CCDC33: variants seen among roughly 807,000 people sequenced by gnomAD.
The protein encoded by CCDC33 is coiled-coil domain-containing protein 33.
CCDC33 carries 94 observed loss-of-function variants against 91.9 expected under a neutral mutation model. The ratio of observed to expected loss-of-function variants is 1.02; its 90% confidence interval spans 0.87 to 1.21. The LOEUF is 1.21. Ranked by LOEUF, CCDC33 falls within the 50% of genes most tolerant of loss-of-function variation. CCDC33 has a pLI of 0.00. For missense variants in CCDC33, 940 were observed against 935.5 expected (o/e 1.00, Z -0.06); for synonymous variants, 396 against 374.5 (o/e 1.06, Z -0.66).
At chr15:74,289,404 G>A (rs2059543409) in intron 10 of CCDC33, among the ~76,000 whole-genome samples, 1 of 152,192 alleles carries the variant, frequency 6.6e-6, no homozygotes, top group African/African-American at 2.4e-5. Context: ...CAGAAGACCT[G>A]CTTTAGCTCA....
intron 11 of CCDC33, among the ~76,000 whole-genome samples, chr15:74,326,172 A>T (rs1047666137): frequency 6.6e-6 from 1 of 152,166 alleles, no homozygotes; most frequent in Non-Finnish European, 1.5e-5. Context: ...AAAAAATTTA[A>T]AAATTAGCCA....
chr15:74,319,127 C>T (rs914688327), intron 11 of CCDC33, among the ~76,000 whole-genome samples: 2 of 152,136 alleles, frequency 1.3e-5, no homozygotes, highest in African/African-American at 2.4e-5. Flanking sequence ...GGGCTGGGGC[C>T]GCCCCAGTAA....
chr15:74,218,817 G>A lies in CCDC33; in HGVS notation c.631G>A (p.Glu211Lys). 1 of 1,276,194 alleles carries A rather than the reference G, an allele frequency of 7.8e-7. No individual in the cohort carries two copies. Among genetic ancestry groups the A allele is most frequent in the East Asian group, 5.6e-5 (1 of 17,822 alleles). 79.1% of individuals were successfully genotyped at this position (1,276,194 alleles called of 1,614,324 possible). ...CAGCCCTCCCAGGGCTGGCCAGCCA[G>A]AACTGATGTCACCATGCCCAGAGCC... The change falls in exon 2 of 3, where the codon GAA becomes AAA. Residue 211 changes from glutamate (E) to lysine (K), a missense_variant. Glu to Lys is a moderately conservative substitution (Grantham distance 56). Coordinates refer to the CCDC33 transcript ENST00000635913. This position sits in a 1 kb window ranked among gnomAD's most constrained non-coding sequence, Gnocchi z 4.8.
intron 2 of CCDC33, among the ~76,000 whole-genome samples, chr15:74,251,467 G>A (rs1209160031): frequency 6.6e-6 from 1 of 152,246 alleles, no homozygotes; most frequent in African/African-American, 2.4e-5. Flanking sequence ...TGGCCTGTGG[G>A]GTTCTGACCC....
chr15:74,262,533 G>A lies in CCDC33; in HGVS notation c.279G>A (p.Thr93=), dbSNP rs752226289. 19 of 1,613,702 alleles carry A rather than the reference G, an allele frequency of 1.2e-5. No individual in the cohort carries two copies. In the Middle Eastern group the frequency reaches 6.6e-4, roughly 56 times the overall value. The change falls in exon 3 of 19, where the codon ACG becomes ACA. Residue 93 remains threonine (T), a synonymous_variant. Coordinates refer to ENST00000398814, the MANE Select transcript of CCDC33 (RefSeq NM_025055.5). ...EPTRAPIWGD[T]VNVEIQAEDA... ...CCAGAGCCCCTATCTGGGGGGACAC[G>A]GTGAATGTGGAGATCCAAGCTGAGG...
Position 74,309,653 on chromosome 15 carries a change from G to C in CCDC33, c.1290+13705G>C, listed in dbSNP as rs184307032. On this transcript the variant is annotated intron_variant, in intron 11 of 18. Transcript: ENST00000398814. ...GGGGAGTGAAGAGTACAGTGTAGGA[G>C]AGTGCAGAGGGTCTGGGAACAAGCT... 5.7e-4 allele frequency among the ~76,000 whole-genome samples: 87 copies of C among 152,226 alleles called. 2 individuals are homozygous for C. The highest frequency in any genetic ancestry group is 4.3e-3 in the Admixed American group (66 of 15,296).
intron 11 of CCDC33, among the ~76,000 whole-genome samples, chr15:74,326,443 C>T (rs559784357): frequency 2.6e-5 from 4 of 152,350 alleles, no homozygotes; most frequent in African/African-American, 9.6e-5. Context: ...ACAGCAACCC[C>T]CCTTGGGGTG....
At chr15:74,276,404 TCTC>T (rs2076450755) in intron 7 of CCDC33, among the ~76,000 whole-genome samples, 2 of 152,106 alleles carry the variant, frequency 1.3e-5, no homozygotes, top group Admixed American at 6.5e-5. Flanking sequence ...GTTGTTCTGG[TCTC>T]CTACAGAGCT....
chr15:74,318,536 G>A (rs2060139927), intron 11 of CCDC33: 5 of 676,826 alleles, frequency 7.4e-6, no homozygotes, highest in Non-Finnish European at 1.3e-5. Flanking sequence ...GGCACTTGTT[G>A]TAGCAACAGT....
chr15:74,296,060 C>T lies in CCDC33; in HGVS notation c.1290+112C>T, dbSNP rs1023392834. The stretch of plus-strand genomic sequence containing the variant: ...ATGCCTCAGGTGGCCAGTAGACCTC[C>T]CTCCCCTTAGGCACACTCTGCATGT... On this transcript the variant is annotated intron_variant, in intron 11 of 18. Transcript: ENST00000398814. 3.7e-5 allele frequency: 33 copies of T among 894,346 alleles called. No homozygotes were observed. In the Admixed American group the frequency reaches 8.8e-4, roughly 24 times the overall value. 55.4% of individuals were successfully genotyped at this position (894,346 alleles called of 1,614,324 possible).
At chr15:74,254,136 G>C (rs919416838) in intron 2 of CCDC33, among the ~76,000 whole-genome samples, 5 of 152,026 alleles carry the variant, frequency 3.3e-5, no homozygotes, top group African/African-American at 1.2e-4. Context: ...AGGTTCAAGA[G>C]ACTCTCCTGC....
chr15:74,218,851 C>T lies in CCDC33; in HGVS notation c.665C>T (p.Pro222Leu), dbSNP rs750342566. Residue 222 changes from proline to leucine, a missense_variant, in exon 2 of 3, where the codon CCC (proline) becomes CTC (leucine). Coordinates refer to the CCDC33 transcript ENST00000635913. The surrounding 1 kb of genome is among the most constrained non-coding windows in gnomAD (Gnocchi z 4.8). ...TCACCATGCCCAGAGCCCCAGCTCC[C>T]CATACTGCAGGTGGGTGCTTCCCTG... 1.6e-6 allele frequency: 2 copies of T among 1,238,114 alleles called. No individual in the cohort carries two copies. The highest frequency in any genetic ancestry group is 2.1e-6 in the Non-Finnish European group (2 of 962,660). 76.7% of individuals were successfully genotyped at this position (1,238,114 alleles called of 1,614,324 possible). A position where few individuals can be genotyped will look rare whatever the true frequency, so the allele number is the denominator to read the frequency against.
chr15:74,297,533 A>C (rs1334078357), intron 11 of CCDC33, among the ~76,000 whole-genome samples: 1 of 152,088 alleles, frequency 6.6e-6, no homozygotes, highest in African/African-American at 2.4e-5. Flanking sequence ...TCTCTACAAA[A>C]AATTCAAAAA....
intron 2 of CCDC33, among the ~76,000 whole-genome samples, chr15:74,251,062 AG>A: frequency 6.6e-6 from 1 of 152,262 alleles, no homozygotes; most frequent in Admixed American, 6.5e-5. Context: ...GTATGAACTC[AG>A]GCCAGTCCTT....
intron 1 of CCDC33, among the ~76,000 whole-genome samples, chr15:74,208,275 C>T (rs2074308204): frequency 6.6e-6 from 1 of 152,156 alleles, no homozygotes; most frequent in African/African-American, 2.4e-5. Context: ...CTGTTAACAT[C>T]AAGATGCAAC....
At chr15:74,254,517 G>A (rs971683091) in intron 2 of CCDC33, among the ~76,000 whole-genome samples, 1 of 152,142 alleles carries the variant, frequency 6.6e-6, no homozygotes. Context: ...GTCCCCCTCT[G>A]CCAGGGGAGT....
In CCDC33 at chr15:74,330,238, T is replaced by C. The variant is rs776238543; in HGVS notation, c.1340T>C (p.Leu447Pro). The change falls in exon 12 of 19, where the codon CTG becomes CCG. Residue 447 changes from leucine to proline, a missense_variant. Physicochemically the swap from Leu to Pro is moderately conservative, Grantham distance 98. Coordinates refer to ENST00000398814, the MANE Select transcript of CCDC33 (RefSeq NM_025055.5). ...ATGCAGAAGATGGCAGAGGACATCC[T>C]GTCTCTGCGGAGACAGGCCAGCATC... Reference protein sequence around the residue: ...RAMQKMAEDILSLRRQASILE... With the variant: ...RAMQKMAEDIPSLRRQASILE... 1.9e-6 allele frequency: 3 copies of C among 1,612,898 alleles called. No homozygotes were observed. In the South Asian group the frequency reaches 3.3e-5, roughly 18 times the overall value.
At chr15:74,264,230 G>A (rs2076105680) in intron 3 of CCDC33, among the ~76,000 whole-genome samples, 1 of 152,020 alleles carries the variant, frequency 6.6e-6, no homozygotes, top group Admixed American at 6.6e-5. Context: ...CAGGCCAAGA[G>A]GCGGGGGAAG....
chr15:74,231,754 G>A (rs946540371), upstream of CCDC33, among the ~76,000 whole-genome samples: 7 of 152,178 alleles, frequency 4.6e-5, no homozygotes, highest in African/African-American at 1.2e-4. Flanking sequence ...GGTGGTTCAC[G>A]CCTGTAATCC....
Sources: gnomAD v4.1 joint callset for allele counts (sites outside exome capture counted in the v4.1 genomes callset) on GRCh38, gnomAD v4.1.1 for gene constraint, Gnocchi (gnomAD v3.1) non-coding constraint, MANE v1.5 for transcripts, NCBI Gene and HGNC (gene_info 2026-07-23, HGNC 2026-07-21) for gene names.